Variants in PCDHGA5 observed in about 807,000 individuals in gnomAD.
PCDHGA5 encodes the protein protocadherin gamma-A5.
Under a neutral mutation model 56.7 loss-of-function variants are expected in PCDHGA5, and 36 were observed. That is an observed-to-expected ratio of 0.64 (90% CI 0.49 to 0.84). The LOEUF is 0.84. Among genes scored for constraint, PCDHGA5 ranks in the 40% least tolerant of loss-of-function variants. The probability of loss-of-function intolerance (pLI) is 0.00; values close to 1 mark genes in which losing one functional copy is unlikely to be tolerated. For synonymous variants in PCDHGA5, 563 were observed against 520.2 expected (o/e 1.08, Z -1.12); for missense variants, 1,305 against 1,201.5 (o/e 1.09, Z -1.27).
At chr5:141,384,353 C>T in intron 1 of PCDHGA5, 1 of 1,613,848 alleles carries the variant, frequency 6.2e-7, no homozygotes, top group South Asian at 1.1e-5. Context: ...GAGGATAATG[C>T]CCAGATCACT....
rs1554116817 is a variant in PCDHGA5 at position 141,423,755 on chromosome 5, G to GGC, written c.2421+57005_2421+57006insCG. 3 of 512,420 alleles carry GGC rather than the reference G, an allele frequency of 5.9e-6. No individual in the cohort carries two copies. The African/African-American group carries it at 8.1e-5, about 14-fold the overall frequency. 31.7% of individuals were successfully genotyped at this position (512,420 alleles called of 1,614,324 possible). A position where few individuals can be genotyped will look rare whatever the true frequency, so the allele number is the denominator to read the frequency against. On this transcript the variant is annotated intron_variant, in intron 1 of 3. Coordinates refer to ENST00000518069, the MANE Select transcript of PCDHGA5 (RefSeq NM_018918.3). ...AGCCTGTTATGAAAACTGTTTGGGGGGGGGGTGGGGCGGCATATATTTAGT... is the reference window on the plus strand; with the variant it reads ...AGCCTGTTATGAAAACTGTTTGGGGGGCGGGGGTGGGGCGGCATATATTTAGT...
chr5:141,364,936 C>T lies in PCDHGA5; in HGVS notation c.606C>T (p.Arg202=). Residue 202 remains arginine, a synonymous_variant, in exon 1 of 4, where the codon CGC becomes CGT. Coordinates refer to ENST00000518069, the MANE Select transcript of PCDHGA5 (RefSeq NM_018918.3). The stretch of plus-strand genomic sequence containing the variant: ...TGGTGTTGGAACAGCCCCTAGACCG[C>T]GAGAAAGAGACTGTTCACGACCTCC... ...PELVLEQPLD[R]EKETVHDLLL... The T allele has an allele frequency of 6.2e-7, 1 of 1,613,878 alleles. No homozygotes were observed. Among genetic ancestry groups the T allele is most frequent in the South Asian group, 1.1e-5 (1 of 91,082 alleles).
rs17097251 is a variant in PCDHGA5 at position 141,383,615 on chromosome 5, C to T, written c.2421+16864C>T. On this transcript the variant is annotated intron_variant, in intron 1 of 3. Coordinates refer to ENST00000518069, the MANE Select transcript of PCDHGA5 (RefSeq NM_018918.3). ...ACAGTGGTGGATGTGAATGACCACA[C>T]GCCTGTCTTCTCTCTGCCTCAGTAC... 8,353 of 1,613,802 alleles carry T rather than the reference C, an allele frequency of 5.2e-3. 355 individuals are homozygous for T. The African/African-American group carries it at 0.098, about 19-fold the overall frequency.
At chr5:141,498,222 T>A (rs1258826914) in intron 2 of PCDHGA5, among the ~76,000 whole-genome samples, 1 of 152,218 alleles carries the variant, frequency 6.6e-6, no homozygotes, top group East Asian at 1.9e-4. Flanking sequence ...GCATTCCAGA[T>A]GGTCAGGCAT....
At chr5:141,428,155 G>A (rs767716956) in intron 1 of PCDHGA5, 7 of 1,581,618 alleles carry the variant, frequency 4.4e-6, no homozygotes, top group East Asian at 2.2e-5. Flanking sequence ...ACGGGAACCT[G>A]CTGGTTGCTG....
rs1763247589 is a variant in PCDHGA5 at position 141,364,265 on chromosome 5, C to T, written c.-66C>T. Reference sequence around the variant, plus strand: ...TCGTCAGGGAATATGTACCCATCGGCTTTAGATAAATAAGGAAACAGCAGG... The same window carrying T: ...TCGTCAGGGAATATGTACCCATCGGTTTTAGATAAATAAGGAAACAGCAGG... On this transcript the variant is annotated 5_prime_UTR_variant, in exon 1 of 4. Transcript: ENST00000518069. The T allele has an allele frequency of 2.0e-6, 3 of 1,511,160 alleles. No homozygotes were observed. The highest frequency in any genetic ancestry group is 2.3e-5 in the East Asian group (1 of 43,894). The allele number at this position is 1,511,160 out of a possible 1,614,324, so 93.6% of individuals were successfully genotyped here.
At chr5:141,433,097 G>A (rs777101945) in intron 1 of PCDHGA5, 11 of 1,614,044 alleles carry the variant, frequency 6.8e-6, no homozygotes, top group Admixed American at 3.3e-5. Flanking sequence ...AGACATGCTC[G>A]TCAGCCAGGA....
At chr5:141,379,976 T>C (rs1459223613) in intron 1 of PCDHGA5, among the ~76,000 whole-genome samples, 1 of 140,200 alleles carries the variant, frequency 7.1e-6, no homozygotes, top group Admixed American at 8.2e-5. Flanking sequence ...CTCTGCTCAC[T>C]GCAACTTCCT....
chr5:141,372,387 G>A (rs771030632), intron 1 of PCDHGA5: 1 of 1,614,016 alleles, frequency 6.2e-7, no homozygotes, highest in East Asian at 2.2e-5. Flanking sequence ...CCTAATCTTC[G>A]CAGATAGCTT....
chr5:141,433,358 C>T (rs974347696), intron 1 of PCDHGA5: 20 of 503,934 alleles, frequency 4.0e-5, no homozygotes, highest in African/African-American at 3.1e-4. Flanking sequence ...CTACTGTCTG[C>T]CTATCTATCT....
chr5:141,376,233 A>G lies in PCDHGA5; in HGVS notation c.2421+9482A>G, dbSNP rs2159258. 2.7e-3 allele frequency: 4,327 copies of G among 1,614,166 alleles called. 84 individuals carry two copies. In the African/African-American group the frequency reaches 0.046, roughly 17 times the overall value. Reference sequence around the variant, plus strand: ...ATCGTGCTGCTGGCGCTCAGACTGCAGCGCTGGCACAAGTCACGCCTGCTG... The same window carrying G: ...ATCGTGCTGCTGGCGCTCAGACTGCGGCGCTGGCACAAGTCACGCCTGCTG... On this transcript the variant is annotated intron_variant, in intron 1 of 3. Coordinates refer to ENST00000518069, the MANE Select transcript of PCDHGA5 (RefSeq NM_018918.3).
rs2091498902 is a variant in PCDHGA5 at position 141,388,801 on chromosome 5, A to G, written c.2421+22050A>G. The G allele has an allele frequency of 1.9e-6, 3 of 1,613,940 alleles. No homozygotes were observed. The East Asian group carries it at 6.7e-5, about 36-fold the overall frequency. On this transcript the variant is annotated intron_variant, in intron 1 of 3. Coordinates refer to ENST00000518069, the MANE Select transcript of PCDHGA5 (RefSeq NM_018918.3). Reference sequence around the variant, plus strand: ...GAAATTACTGTTTTAAATACATTAGATTTTGAAGAAGTCAAAGAATATTCC... The same window carrying G: ...GAAATTACTGTTTTAAATACATTAGGTTTTGAAGAAGTCAAAGAATATTCC...
chr5:141,390,418 A>T (rs2092141411), intron 1 of PCDHGA5: 1 of 1,099,772 alleles, frequency 9.1e-7, no homozygotes, highest in Admixed American at 2.6e-5. Context: ...TAGTCAGTTA[A>T]AAAGCTGTCA....
At chr5:141,466,034 A>T (rs189202430) in intron 1 of PCDHGA5, among the ~76,000 whole-genome samples, 1,557 of 152,178 alleles carry the variant, frequency 0.01, 35 homozygotes, top group African/African-American at 0.035. Flanking sequence ...AGGCAGGAGA[A>T]CGGCATGAAC....
At chr5:141,371,156 C>T in intron 1 of PCDHGA5, 1 of 1,614,020 alleles carries the variant, frequency 6.2e-7, no homozygotes, top group Non-Finnish European at 8.5e-7. Context: ...TTGCAGAGAA[C>T]CTGCCCGCTG....
chr5:141,467,532 T>G (rs2099145568), intron 1 of PCDHGA5, among the ~76,000 whole-genome samples: 1 of 152,234 alleles, frequency 6.6e-6, no homozygotes, highest in Non-Finnish European at 1.5e-5. Flanking sequence ...TGTGCTGAGA[T>G]ATGGATCTGA....
intron 1 of PCDHGA5, among the ~76,000 whole-genome samples, chr5:141,469,088 G>A (rs1388316490): frequency 6.6e-6 from 1 of 151,604 alleles, no homozygotes; most frequent in Non-Finnish European, 1.5e-5. Context: ...ACCATTCTAG[G>A]CAACAAAGCA....
At position 141,399,350 on chromosome 5, in the gene PCDHGA5, G is replaced by A. The variant is rs746925566; in HGVS notation, c.2421+32599G>A. On this transcript the variant is annotated intron_variant, in intron 1 of 3. Transcript: ENST00000518069. ...TTGGTAACAGATGGAACCCTAGACC[G>A]AGAGCAAACCCCGGAGTACAATGTC... is the stretch of plus-strand genomic sequence containing the variant. The A allele has an allele frequency of 6.8e-6, 11 of 1,613,966 alleles. No individual in the cohort carries two copies. The South Asian group carries it at 1.1e-4, about 16-fold the overall frequency.
Position 141,432,016 on chromosome 5 carries a change from C to T in PCDHGA5, c.2422-62791C>T, listed in dbSNP as rs771650925. The T allele has an allele frequency of 1.2e-6, 2 of 1,614,202 alleles. No homozygotes were observed. The highest frequency in any genetic ancestry group is 3.3e-5 in the Admixed American group (2 of 60,030). On this transcript the variant is annotated intron_variant, in intron 1 of 3. Coordinates refer to ENST00000518069, the MANE Select transcript of PCDHGA5 (RefSeq NM_018918.3). This position sits in a 1 kb window ranked among gnomAD's most constrained non-coding sequence, Gnocchi z 6.0. ...ATAGGGAACAGGTTCCTAGCTACAA[C>T]ATCACAGTGACCGCCACTGACCGGG...
Sources: gnomAD v4.1 joint callset for allele counts (sites outside exome capture counted in the v4.1 genomes callset) on GRCh38, gnomAD v4.1.1 for gene constraint, Gnocchi (gnomAD v3.1) non-coding constraint, MANE v1.5 for transcripts, NCBI Gene and HGNC (gene_info 2026-07-23, HGNC 2026-07-21) for gene names.